The following CLNK variants were observed in gnomAD, a reference collection of about 807,000 sequenced individuals.
CLNK encodes cytokine-dependent hematopoietic cell linker.
CLNK carries 74 observed loss-of-function variants against 68.6 expected under a neutral mutation model. The observed-to-expected ratio is 1.08, with a 90% confidence interval of 0.89 to 1.31. CLNK has a LOEUF of 1.31. CLNK is among the 50% of genes most tolerant of loss of function. The probability of loss-of-function intolerance (pLI) is 0.00; values close to 1 mark genes in which losing one functional copy is unlikely to be tolerated. For missense variants in CLNK, 553 were observed against 515.3 expected (o/e 1.07, Z -0.71); for synonymous variants, 198 against 172.2 (o/e 1.15, Z -1.17).
chr4:10,501,252 C>A lies in CLNK; in HGVS notation c.1140+4G>T. ...GAACAGGGAGGCTGTTAAGTTATAC[C>A]CACCTCATCTCCTCTGAGTCCTGTC... is the stretch of plus-strand genomic sequence containing the variant. On this transcript the variant is annotated splice_donor_region_variant and intron_variant, in intron 18 of 18. Coordinates refer to ENST00000226951, the MANE Select transcript of CLNK (RefSeq NM_052964.4). 1 of 1,562,554 alleles carries A rather than the reference C, an allele frequency of 6.4e-7. No homozygotes were observed.
At chr4:10,727,444 G>T in the CLNK span, among the ~76,000 whole-genome samples, 1 of 152,204 alleles carries the variant, frequency 6.6e-6, no homozygotes, top group Non-Finnish European at 1.5e-5. Flanking sequence ...GTTAATGGTG[G>T]AATTGGAGGG....
chr4:10,589,443 G>A (rs1293847053), intron 3 of CLNK, among the ~76,000 whole-genome samples: 3 of 152,162 alleles, frequency 2.0e-5, no homozygotes, highest in African/African-American at 7.2e-5. Context: ...CAGAGTAATG[G>A]TGCTCATTCA....
At chr4:10,590,928 C>A (rs2108840781) in intron 3 of CLNK, among the ~76,000 whole-genome samples, 1 of 152,268 alleles carries the variant, frequency 6.6e-6, no homozygotes, top group African/African-American at 2.4e-5. Flanking sequence ...CCAAAAGGGA[C>A]ATTAAACACC....
chr4:10,593,585 C>A (rs61795149), intron 3 of CLNK, among the ~76,000 whole-genome samples: 1 of 152,088 alleles, frequency 6.6e-6, no homozygotes, highest in South Asian at 2.1e-4. Flanking sequence ...ACCTGAGAGG[C>A]GGAGGTTGCA....
At chr4:10,689,762 T>TTTTTTTTTTTTC (rs55754483), upstream of CLNK, among the ~76,000 whole-genome samples, 1 of 149,442 alleles carries the variant, frequency 6.7e-6, no homozygotes. Flanking sequence ...TTTTTTTTTT[T>TTTTTTTTTTTTC]ACAAATTGTG....
At chr4:10,707,141 T>C in the CLNK span, among the ~76,000 whole-genome samples, 2,006 of 152,248 alleles carry the variant, frequency 0.013, 122 homozygotes, top group Admixed American at 0.095. Flanking sequence ...ACCTGGGGTG[T>C]CCAATCTTTT....
rs7695974 is a variant in CLNK at position 10,595,417 on chromosome 4, C to T, written c.83+2561G>A. On this transcript the variant is annotated intron_variant, in intron 3 of 18. Coordinates refer to ENST00000226951, the MANE Select transcript of CLNK (RefSeq NM_052964.4). ...CAGTACAAAATAAAAGTGGGTATTG[C>T]GGATTTAGTAGGATGTTATAAAACA... Among the ~76,000 whole-genome samples the T allele has an allele frequency of 5.3e-5, 8 of 152,020 alleles. No homozygotes were observed. The East Asian group carries it at 9.7e-4, about 18-fold the overall frequency.
intron 17 of CLNK, among the ~76,000 whole-genome samples, chr4:10,506,248 G>A (rs534058520): frequency 1.6e-4 from 25 of 152,164 alleles, no homozygotes; most frequent in Admixed American, 5.9e-4. Flanking sequence ...CACCTTCTTC[G>A]AAGTTAAGTT....
chr4:10,688,477 T>C (rs1240075639), upstream of CLNK, among the ~76,000 whole-genome samples: 1 of 152,152 alleles, frequency 6.6e-6, no homozygotes, highest in East Asian at 1.9e-4. Flanking sequence ...AAAGAGCTTT[T>C]CCTGGTTCTT....
the CLNK span, among the ~76,000 whole-genome samples, chr4:10,726,055 G>A: frequency 6.6e-6 from 1 of 152,112 alleles, no homozygotes; most frequent in Non-Finnish European, 1.5e-5. Context: ...TCTCTGGACT[G>A]TGAAGGAGAA....
At chr4:10,527,097 G>T (rs959219366) in intron 13 of CLNK, among the ~76,000 whole-genome samples, 1 of 152,218 alleles carries the variant, frequency 6.6e-6, no homozygotes, top group African/African-American at 2.4e-5. Context: ...ATCATTTCAT[G>T]TCATCAATAG....
the CLNK span, among the ~76,000 whole-genome samples, chr4:10,730,874 G>A: frequency 6.1e-4 from 92 of 151,972 alleles, no homozygotes; most frequent in African/African-American, 2.1e-3. Context: ...GAATTCATTC[G>A]CTTAATTAAT....
chr4:10,674,674 G>A (rs867881924), intron 1 of CLNK, among the ~76,000 whole-genome samples: 1 of 152,178 alleles, frequency 6.6e-6, no homozygotes, highest in Non-Finnish European at 1.5e-5. Context: ...CACATCCTGA[G>A]TGGAGAGACC....
chr4:10,587,954 A>G (rs144927646), intron 3 of CLNK, among the ~76,000 whole-genome samples: 1 of 152,144 alleles, frequency 6.6e-6, no homozygotes, highest in Admixed American at 6.5e-5. Flanking sequence ...ATTAGCAGTA[A>G]ATCAGCTGGT....
At chr4:10,506,470 G>A (rs1053902868) in intron 17 of CLNK, among the ~76,000 whole-genome samples, 4 of 152,146 alleles carry the variant, frequency 2.6e-5, no homozygotes, top group African/African-American at 9.7e-5. Context: ...GAGATCTTGG[G>A]GTTGTTGCTG....
chr4:10,671,377 A>G (rs1253597739), intron 1 of CLNK, among the ~76,000 whole-genome samples: 1 of 85,918 alleles, frequency 1.2e-5, no homozygotes, highest in Non-Finnish European at 2.7e-5. Context: ...CAAGAGTGAA[A>G]CTCTATCTAA....
At chr4:10,576,929 G>A (rs1389130213) in intron 4 of CLNK, among the ~76,000 whole-genome samples, 6 of 152,158 alleles carry the variant, frequency 3.9e-5, no homozygotes, top group African/African-American at 7.2e-5. Flanking sequence ...GTGCAGGGCC[G>A]GTGCCTTCAT....
intron 11 of CLNK, among the ~76,000 whole-genome samples, chr4:10,539,429 T>C (rs970926557): frequency 6.6e-6 from 1 of 152,236 alleles, no homozygotes; most frequent in African/African-American, 2.4e-5. Flanking sequence ...TTTGTATCCA[T>C]GAGAAATGCT....
chr4:10,684,665 T>C lies in CLNK; in HGVS notation c.-43+3A>G, dbSNP rs1408890018. 6.6e-6 allele frequency: 1 copy of C among 152,196 alleles called. No individual in the cohort carries two copies. The highest frequency in any genetic ancestry group is 1.5e-5 in the Non-Finnish European group (1 of 68,038). 9.4% of individuals were successfully genotyped at this position (152,196 alleles called of 1,614,324 possible). On this transcript the variant is annotated splice_donor_region_variant and intron_variant, in intron 1 of 18. Coordinates refer to ENST00000226951, the MANE Select transcript of CLNK (RefSeq NM_052964.4). ...CTCAGAAGAACTGGCCTAATGAGTT[T>C]ACCTGAACAGCGTGGAGAGCACCAA...
Sources: gnomAD v4.1 joint callset for allele counts (sites outside exome capture counted in the v4.1 genomes callset) on GRCh38, gnomAD v4.1.1 for gene constraint, MANE v1.5 for transcripts, NCBI Gene and HGNC (gene_info 2026-07-23, HGNC 2026-07-21) for gene names.